Variants in MRTFA observed in about 807,000 individuals in gnomAD.
MRTFA encodes myocardin-related transcription factor A.
In MRTFA, 20 loss-of-function variants were observed where a neutral mutation model predicts 83.5. The ratio of observed to expected loss-of-function variants is 0.24; its 90% CI spans 0.17 to 0.35. The LOEUF is 0.35. Ranked by LOEUF, MRTFA falls within the 10% of genes least tolerant of loss-of-function variation. MRTFA has a pLI of 1.00. For synonymous variants in MRTFA, 659 were observed against 541.2 expected, an observed-to-expected ratio of 1.22 and a Z score of -3.02; for missense variants, 1,200 against 1,224.7, an observed-to-expected ratio of 0.98 and a Z score of 0.30.
intron 3 of MRTFA, among the ~76,000 whole-genome samples, chr22:40,528,627 C>G (rs2055020192): frequency 1.3e-5 from 2 of 151,498 alleles, no homozygotes; most frequent in South Asian, 4.2e-4. Context: ...ATCCCAGCTA[C>G]TCAGGAGGCT....
rs754256468 is a variant in MRTFA at position 40,419,394 on chromosome 22, A to G, written c.1354-10T>C. 5.0e-6 allele frequency: 8 copies of G among 1,612,130 alleles called. No individual in the cohort carries two copies. Among genetic ancestry groups the G allele is most frequent in the Non-Finnish European group, 5.9e-6 (7 of 1,179,794 alleles). On this transcript the variant is annotated splice_polypyrimidine_tract_variant and intron_variant, in intron 11 of 14. Transcript: ENST00000355630. ...GCTTCAGCTCTGCCACCTGCAAGGC[A>G]GTCAAGAGTCAGGGAGGCCAGGGGC...
chr22:40,546,295 C>G (rs2055363907), intron 3 of MRTFA, among the ~76,000 whole-genome samples: 1 of 152,194 alleles, frequency 6.6e-6, no homozygotes, highest in African/African-American at 2.4e-5. Context: ...AGCCTCTTTC[C>G]TCCAGAGCTG....
intron 3 of MRTFA, among the ~76,000 whole-genome samples, chr22:40,486,103 T>A (rs2054170609): frequency 6.6e-6 from 1 of 152,194 alleles, no homozygotes; most frequent in African/African-American, 2.4e-5. Context: ...GGGAGTGGGC[T>A]TGCAGATCCC....
At chr22:40,412,323 G>A (rs1382449720) in intron 14 of MRTFA, 1 of 153,664 alleles carries the variant, frequency 6.5e-6, no homozygotes, top group African/African-American at 2.4e-5. Context: ...AAATTTTTAA[G>A]AAAGTATTGG....
chr22:40,438,548 G>A (rs1667540324), intron 4 of MRTFA, among the ~76,000 whole-genome samples: 1 of 152,232 alleles, frequency 6.6e-6, no homozygotes, highest in Admixed American at 6.5e-5. Flanking sequence ...ACTAGTGGAG[G>A]ACAGGTGATA....
intron 1 of MRTFA, among the ~76,000 whole-genome samples, chr22:40,620,043 C>T (rs1223311831): frequency 2.6e-5 from 4 of 151,770 alleles, no homozygotes; most frequent in Admixed American, 1.3e-4. Context: ...ATGCAGCCTC[C>T]GTCTCCCAGG....
chr22:40,442,410 T>C (rs1485159065), intron 4 of MRTFA, among the ~76,000 whole-genome samples: 2 of 152,180 alleles, frequency 1.3e-5, no homozygotes, highest in Non-Finnish European at 2.9e-5. Context: ...CTTTTTCCAG[T>C]GTGGAAGCAG....
intron 1 of MRTFA, among the ~76,000 whole-genome samples, chr22:40,636,276 G>C (rs1423285817): frequency 1.3e-5 from 2 of 151,962 alleles, no homozygotes; most frequent in Non-Finnish European, 2.9e-5. Flanking sequence ...CCGGGTCCCA[G>C]CCCCGGCACA....
chr22:40,459,822 CATATATACATATAT>C (rs2053671019), intron 4 of MRTFA, among the ~76,000 whole-genome samples: 1 of 68,266 alleles, frequency 1.5e-5, no homozygotes, highest in Non-Finnish European at 2.8e-5. Flanking sequence ...CACACACACA[CATATATACATATAT>C]ATATATATAT....
intron 4 of MRTFA, among the ~76,000 whole-genome samples, chr22:40,457,485 A>AGAAAGAAAGAAG (rs1491138060): frequency 2.3e-5 from 3 of 133,236 alleles, no homozygotes; most frequent in African/African-American, 5.1e-5. Context: ...AAAGAAAGAA[A>AGAAAGAAAGAAG]GAAGGAAAGA....
intron 1 of MRTFA, among the ~76,000 whole-genome samples, chr22:40,621,602 GTTACGATGGTAAATT>G (rs1569356492): frequency 1.3e-5 from 2 of 152,144 alleles, no homozygotes; most frequent in African/African-American, 4.8e-5. Flanking sequence ...CTTAAAAATG[GTTACGATGGTAAATT>G]TTAACACAAT....
At chr22:40,421,830 G>C (rs1233383396) in intron 9 of MRTFA, among the ~76,000 whole-genome samples, 2 of 152,204 alleles carry the variant, frequency 1.3e-5, no homozygotes, top group Non-Finnish European at 2.9e-5. Flanking sequence ...GAAGTTTTGA[G>C]CAGAGAATGG....
At chr22:40,469,523 T>A (rs1036443053) in intron 3 of MRTFA, among the ~76,000 whole-genome samples, 3 of 152,200 alleles carry the variant, frequency 2.0e-5, no homozygotes, top group Non-Finnish European at 4.4e-5. Context: ...ACCTCTTTTC[T>A]TTATAAATTA....
chr22:40,524,869 G>A (rs564411369), intron 3 of MRTFA, among the ~76,000 whole-genome samples: 10 of 152,222 alleles, frequency 6.6e-5, no homozygotes, highest in Admixed American at 2.0e-4. Flanking sequence ...GTGCAATGTC[G>A]CAATCTCGGC....
At chr22:40,509,381 A>G (rs1202854866) in intron 3 of MRTFA, among the ~76,000 whole-genome samples, 3 of 152,254 alleles carry the variant, frequency 2.0e-5, no homozygotes, top group Non-Finnish European at 4.4e-5. Context: ...AGTATTTGAA[A>G]GAAAGATTTG....
intron 4 of MRTFA, among the ~76,000 whole-genome samples, chr22:40,435,963 C>G (rs2053162406): frequency 6.6e-6 from 1 of 151,260 alleles, no homozygotes; most frequent in Non-Finnish European, 1.5e-5. Context: ...AATCACATTA[C>G]TGTTAGTAGT....
At chr22:40,615,462 T>C (rs976338301) in intron 1 of MRTFA, among the ~76,000 whole-genome samples, 9 of 152,194 alleles carry the variant, frequency 5.9e-5, no homozygotes, top group African/African-American at 1.7e-4. Context: ...CCCTTGTATT[T>C]CCATGTGAAT....
intron 4 of MRTFA, among the ~76,000 whole-genome samples, chr22:40,452,336 G>C (rs1201431739): frequency 2.0e-5 from 3 of 151,972 alleles, no homozygotes; most frequent in Non-Finnish European, 1.5e-5. Context: ...ACTCCCCTTG[G>C]GCATGTGATT....
Position 40,607,190 on chromosome 22 carries a change from G to A in MRTFA, c.-83-12455C>T, listed in dbSNP as rs185078661. Among the ~76,000 whole-genome samples the A allele has an allele frequency of 1.2e-4, 19 of 152,268 alleles. No homozygotes were observed. In the East Asian group the frequency reaches 3.7e-3, roughly 29 times the overall value. On this transcript the variant is annotated intron_variant, in intron 1 of 14. Coordinates refer to ENST00000355630, the MANE Select transcript of MRTFA (RefSeq NM_020831.6). The stretch of plus-strand genomic sequence containing the variant: ...CAGCCAGAATGAGTTTGCATACCTG[G>A]TGTCACGTTTGCTAAGAACAACAGG...
Sources: gnomAD v4.1 joint callset for allele counts (sites outside exome capture counted in the v4.1 genomes callset) on GRCh38, gnomAD v4.1.1 for gene constraint, MANE v1.5 for transcripts, NCBI Gene and HGNC (gene_info 2026-07-23, HGNC 2026-07-21) for gene names.